Variants in GAS2L2 observed in about 807,000 individuals in gnomAD.
The protein encoded by GAS2L2 is GAS2-like protein 2.
A neutral mutation model predicts 35.2 loss-of-function variants in GAS2L2; 21 were observed. The ratio of observed to expected loss-of-function variants is 0.60; its 90% confidence interval spans 0.42 to 0.86. GAS2L2 has a LOEUF of 0.86. Among genes scored for constraint, GAS2L2 ranks in the 40% least tolerant of loss-of-function variants. The probability of loss-of-function intolerance (pLI) is 0.00; values close to 1 mark genes in which losing one functional copy is unlikely to be tolerated. For missense variants in GAS2L2, 1,169 were observed against 1,144.4 expected (o/e 1.02, Z -0.31); for synonymous variants, 490 against 473.2 (o/e 1.04, Z -0.46).
chr17:35,750,043 A>AG lies in GAS2L2; in HGVS notation c.627+33dup, dbSNP rs587640921. 1,436 of 1,585,608 alleles carry AG rather than the reference A, an allele frequency of 9.1e-4. 4 individuals carry two copies. Among genetic ancestry groups the AG allele is most frequent in the Admixed American group, 1.7e-3 (90 of 53,924 alleles). Reference sequence around the variant, plus strand: ...GAGAGGAGCACGAAGGACAAAGGGAAGGGGGCCCTGAGGGCGTGTGCAGAG... The same window carrying AG: ...GAGAGGAGCACGAAGGACAAAGGGAAGGGGGGCCCTGAGGGCGTGTGCAGAG... On this transcript the variant is annotated intron_variant, in intron 2 of 5. Transcript: ENST00000604641.
Position 35,745,610 on chromosome 17 carries a change from G to T in GAS2L2, c.1887C>A (p.Val629=), listed in dbSNP as rs587635807. ...SACPQGTRSG[V]IPRSGVYIPR... Reference sequence around the variant, plus strand: ...GGATGTAGACCCCACTGCGAGGGATGACCCCAGACCTTGTGCCCTGCGGAC... The same window carrying T: ...GGATGTAGACCCCACTGCGAGGGATTACCCCAGACCTTGTGCCCTGCGGAC... Residue 629 remains valine (V), a synonymous_variant, in exon 6 of 6, where the codon GTC becomes GTA. Transcript: ENST00000604641. 297 of 1,613,922 alleles carry T rather than the reference G, an allele frequency of 1.8e-4. 6 individuals are homozygous for T. In the South Asian group the frequency reaches 3.1e-3, roughly 17 times the overall value.
chr17:35,751,354 T>C (rs80174062), intron 1 of GAS2L2, among the ~76,000 whole-genome samples: 3,241 of 152,154 alleles, frequency 0.021, 74 homozygotes, highest in East Asian at 0.12. Flanking sequence ...TCCCTTCCCA[T>C]AAACTTCTAT....
rs62078164 is a variant in GAS2L2, at chr17:35,745,668, C to T, written c.1829G>A (p.Gly610Asp). ...CCTGACTTCTAGCAGCTTCATGTTG[C>T]CCAAAATCTCCTCTTCAAGGCTACA... is the stretch of plus-strand genomic sequence containing the variant. ...IYCSLEEEIL[G>D]NMKLLEVRSA... The change falls in exon 6 of 6, where the codon GGC becomes GAC. Residue 610 changes from glycine (G) to aspartate (D), a missense_variant. Transcript: ENST00000604641. The T allele has an allele frequency of 6.8e-6, 11 of 1,613,864 alleles. No homozygotes were observed. The highest frequency in any genetic ancestry group is 1.3e-5 in the African/African-American group (1 of 74,936).
chr17:35,748,909 GA>G (rs2085685992), intron 3 of GAS2L2, among the ~76,000 whole-genome samples, 200 bp downstream of exon 3: 1 of 152,208 alleles, frequency 6.6e-6, no homozygotes, highest in Non-Finnish European at 1.5e-5. Flanking sequence ...GTGAGAAGGA[GA>G]GCTCCAAGGC....
rs2143021581 is a variant in GAS2L2, at chr17:35,746,307, C to T, written c.1190G>A (p.Cys397Tyr). Residue 397 changes from cysteine to tyrosine, a missense_variant, in exon 6 of 6, where the codon TGT becomes TAT. Around this residue, in one of 3 missense-constraint regions of GAS2L2, gnomAD observed 1,035 missense variants for 976.5 expected, o/e 1.06. Transcript: ENST00000604641. ...SSTQKGRDPQ[C>Y]TSSGKREERY... ...CTCCTCCCTCTTTCCTGACGAGGTA[C>T]ACTGTGGGTCTCGGCCTTTTTGGGT... 2 of 1,413,756 alleles carry T rather than the reference C, an allele frequency of 1.4e-6. No homozygotes were observed. Among genetic ancestry groups the T allele is most frequent in the Non-Finnish European group, 1.9e-6 (2 of 1,079,684 alleles). The allele number at this position is 1,413,756 out of a possible 1,614,324, so 87.6% of individuals were successfully genotyped here.
chr17:35,752,924 G>A lies in GAS2L2; in HGVS notation c.-74C>T. 1 of 1,473,670 alleles carries A rather than the reference G, an allele frequency of 6.8e-7. No homozygotes were observed. The highest frequency in any genetic ancestry group is 9.1e-7 in the Non-Finnish European group (1 of 1,101,936). The allele number at this position is 1,473,670 out of a possible 1,614,324, so 91.3% of individuals were successfully genotyped here. The stretch of plus-strand genomic sequence containing the variant: ...CCGCCTCTTTCCTCCCGCTGCTGCT[G>A]GGTCTCGGCTGGGTTCTTCCTGATT... On this transcript the variant is annotated 5_prime_UTR_variant, in exon 1 of 6. Coordinates refer to ENST00000604641, the MANE Select transcript of GAS2L2 (RefSeq NM_139285.4).
chr17:35,747,820 C>T, intron 4 of GAS2L2, 29 bp downstream of exon 4: 1 of 1,597,308 alleles, frequency 6.3e-7, no homozygotes, highest in African/African-American at 1.3e-5. Context: ...CAACCAACCC[C>T]ACAGGGAGAG....
In GAS2L2 at chr17:35,745,763, C is replaced by T. The variant is rs1555598822; in HGVS notation, c.1734G>A (p.Leu578=). 5.6e-6 allele frequency: 9 copies of T among 1,613,826 alleles called. No individual in the cohort carries two copies. Among genetic ancestry groups the T allele is most frequent in the Middle Eastern group, 1.6e-4 (1 of 6,062 alleles). The change falls in exon 6 of 6, where the codon CTG becomes CTA. Residue 578 remains leucine (L), a synonymous_variant. Coordinates refer to ENST00000604641, the MANE Select transcript of GAS2L2 (RefSeq NM_139285.4). ...VMAEARESWD[L]GLQEQEGRYT... ...ACCGCCCCTCCTGCTCCTGTAGGCC[C>T]AGGTCCCAGGACTCTCTGGCCTCTG...
At chr17:35,747,393 T>A in intron 4 of GAS2L2, 125 bp from the exon 5 acceptor site, 1 of 1,119,900 alleles carries the variant, frequency 8.9e-7, no homozygotes, top group Non-Finnish European at 1.3e-6. Flanking sequence ...GGACCTACAG[T>A]GGCAACACCG....
At chr17:35,746,936 C>T (rs1568101458) in intron 5 of GAS2L2, 80 bp downstream of exon 5, 15 of 1,415,478 alleles carry the variant, frequency 1.1e-5, no homozygotes, top group African/African-American at 1.4e-5. Context: ...GGATCTGCTC[C>T]TTTTATCTTG....
At chr17:35,749,061 G>A in intron 3 of GAS2L2, 49 bp downstream of exon 3, 1 of 1,237,072 alleles carries the variant, frequency 8.1e-7, no homozygotes, top group Non-Finnish European at 1.2e-6. Context: ...CCCAAGCCTG[G>A]GCAAGAAACC....
rs114119523 is a variant in GAS2L2 at position 35,748,110 on chromosome 17, A to G, written c.736-165T>C. On this transcript the variant is annotated intron_variant, in intron 3 of 5. Transcript: ENST00000604641. ...AAAGGCAGCCCGAATCTCCTCCTCCATGACTGGCATCAGATAACACATGCG... is the reference window on the plus strand; with the variant it reads ...AAAGGCAGCCCGAATCTCCTCCTCCGTGACTGGCATCAGATAACACATGCG... 0.044 allele frequency among the ~76,000 whole-genome samples: 6,735 copies of G among 152,134 alleles called. 476 individuals are homozygous for G. The highest frequency in any genetic ancestry group is 0.15 in the African/African-American group (6,364 of 41,456).
Position 35,750,171 on chromosome 17 carries a change from TC to T in GAS2L2, c.532del (p.Glu178ArgfsTer37). 6.2e-7 allele frequency: 1 copy of T among 1,611,924 alleles called. No individual in the cohort carries two copies. Among genetic ancestry groups the T allele is most frequent in the South Asian group, 1.1e-5 (1 of 90,936 alleles). On this transcript the variant is annotated frameshift_variant, in exon 2 of 6. Coordinates refer to ENST00000604641, the MANE Select transcript of GAS2L2 (RefSeq NM_139285.4). LOFTEE classifies it high-confidence loss of function. Reference protein sequence around the residue: ...LVQLEEEIEEEVRRELALPPP... With the variant: ...LVQLEEEIEEXVRRELALPPP... ...GGGCAGGGCCAGCTCCCGCCGCACC[TC>T]CTCCTCGATCTCCTCCTCCAGCTGC...
At chr17:35,749,361 G>A in intron 2 of GAS2L2, 144 bp from the exon 3 acceptor site, 3 of 609,194 alleles carry the variant, frequency 4.9e-6, no homozygotes, top group Non-Finnish European at 2.9e-6. Flanking sequence ...AGATAAGGCT[G>A]TAAATGACCC....
In GAS2L2 at chr17:35,749,153, C is replaced by T; in HGVS notation, c.692G>A (p.Gly231Glu). 6.2e-7 allele frequency: 1 copy of T among 1,614,050 alleles called. No individual in the cohort carries two copies. The highest frequency in any genetic ancestry group is 8.5e-7 in the Non-Finnish European group (1 of 1,179,944). Residue 231 changes from glycine to glutamate, a missense_variant, in exon 3 of 6, where the codon GGG (glycine) becomes GAG (glutamate). By Grantham distance (98) the Gly-to-Glu change is moderately conservative. This residue lies in a region of GAS2L2 where 1,035 missense variants were observed against 976.5 expected (regional missense o/e 1.06). Coordinates refer to ENST00000604641, the MANE Select transcript of GAS2L2 (RefSeq NM_139285.4). ...GTTGGAGTCACCCACACGGTACTTC[C>T]CCTCAGACACTTTGACCATGGAGAA... ...VQFSMVKVSE[G>E]KYRVGDSNTL...
Position 35,747,896 on chromosome 17 carries a change from A to G in GAS2L2, c.785T>C (p.Leu262Pro), listed in dbSNP as rs147743370. ...GTCATGTTTGTCCAGGTAATGGCCC[A>G]GTGTGTCCCAGCCGCCCCCTACACG... ...MVRVGGGWDT[L>P]GHYLDKHDPC... Residue 262 changes from leucine to proline, a missense_variant, in exon 4 of 6, where the codon CTG (leucine) becomes CCG (proline). Transcript: ENST00000604641. The G allele has an allele frequency of 6.2e-7, 1 of 1,613,734 alleles. No individual in the cohort carries two copies. Among genetic ancestry groups the G allele is most frequent in the Non-Finnish European group, 8.5e-7 (1 of 1,179,926 alleles).
chr17:35,752,420 C>A, intron 1 of GAS2L2, 46 bp downstream of exon 1: 1 of 1,525,542 alleles, frequency 6.6e-7, no homozygotes, highest in South Asian at 1.3e-5. Flanking sequence ...ACCAATACCC[C>A]CCAAGATAAG....
At chr17:35,750,442 T>C in intron 1 of GAS2L2, 124 bp from the exon 2 acceptor site, 3 of 1,321,430 alleles carry the variant, frequency 2.3e-6, no homozygotes, top group Non-Finnish European at 3.2e-6. Context: ...GCAGCAGACA[T>C]GGGGAGTGGT....
In GAS2L2 at chr17:35,745,019, C is replaced by T. The variant is rs1555598607; in HGVS notation, c.2478G>A (p.Glu826=). Residue 826 remains glutamate (E), a synonymous_variant, in exon 6 of 6, where the codon GAG becomes GAA. Coordinates refer to ENST00000604641, the MANE Select transcript of GAS2L2 (RefSeq NM_139285.4). ...LRAVLGSKGG[E]ASRVDGASVG... is the part of the protein sequence containing the mutation. ...CTGAAGCTCCATCCACCCGGGATGC[C>T]TCCCCTCCCTTGCTGCCCAGCACAG... The T allele has an allele frequency of 6.2e-7, 1 of 1,614,096 alleles. No homozygotes were observed. Among genetic ancestry groups the T allele is most frequent in the Non-Finnish European group, 8.5e-7 (1 of 1,180,040 alleles).
Sources: gnomAD v4.1 joint callset for allele counts (sites outside exome capture counted in the v4.1 genomes callset) on GRCh38, gnomAD v4.1.1 for gene constraint, gnomAD v4.1.1 regional missense constraint, MANE v1.5 for transcripts, NCBI Gene and HGNC (gene_info 2026-07-23, HGNC 2026-07-21) for gene names.